The following GABRA3 variants were observed in gnomAD, a reference collection of about 807,000 sequenced individuals.
GABRA3 encodes the protein gamma-aminobutyric acid type A receptor subunit alpha3.
In GABRA3, 10 loss-of-function variants were observed where a neutral mutation model predicts 30.1. The observed-to-expected ratio is 0.33, with a 90% CI of 0.20 to 0.56. The LOEUF (loss-of-function observed/expected upper bound fraction) is 0.56. Ranked by LOEUF, GABRA3 falls within the 20% of genes least tolerant of loss-of-function variation. GABRA3 has a pLI of 0.89. For missense variants in GABRA3, 233 were observed against 392.0 expected (o/e 0.59, Z 3.42); for synonymous variants, 151 against 146.8 (o/e 1.03, Z -0.21).
At chrX:152,193,096 T>G (rs2124350014) in intron 8 of GABRA3, among the ~76,000 whole-genome samples, 1 of 111,591 alleles carries the variant, frequency 9.0e-6, no homozygotes. Flanking sequence ...CTGAGCTCTT[T>G]TGAGACATCT....
intron 7 of GABRA3, among the ~76,000 whole-genome samples, chrX:152,201,960 C>T (rs181276142): frequency 8.9e-6 from 1 of 112,121 alleles, no homozygotes; most frequent in Non-Finnish European, 1.9e-5. Flanking sequence ...GATCAAATTT[C>T]TAGGAAAGAT....
At chrX:152,351,888 A>T (rs1940484010) in intron 2 of GABRA3, among the ~76,000 whole-genome samples, 1 of 111,162 alleles carries the variant, frequency 9.0e-6, no homozygotes, top group African/African-American at 3.3e-5. Flanking sequence ...TCTCAGGGAG[A>T]AGGAAGGCCT....
chrX:152,172,094 A>G (rs1181556064), intron 9 of GABRA3, among the ~76,000 whole-genome samples: 1 of 111,786 alleles, frequency 8.9e-6, no homozygotes, highest in Non-Finnish European at 1.9e-5. Flanking sequence ...GGACTCAAAG[A>G]TGAATAAAAC....
intron 3 of GABRA3, among the ~76,000 whole-genome samples, chrX:152,340,088 T>G (rs746526946): frequency 8.9e-6 from 1 of 112,258 alleles, no homozygotes; most frequent in East Asian, 2.8e-4. Flanking sequence ...TTTCTTCTAT[T>G]CTTTGTTAGC....
intron 1 of GABRA3, among the ~76,000 whole-genome samples, chrX:152,410,813 A>G (rs1930051448): frequency 9.0e-6 from 1 of 111,123 alleles, no homozygotes; most frequent in Admixed American, 9.6e-5. Context: ...ACAAGAAAAT[A>G]TGTGTCATTC....
intron 4 of GABRA3, among the ~76,000 whole-genome samples, chrX:152,271,730 G>A (rs1938942227): frequency 8.9e-6 from 1 of 111,818 alleles, no homozygotes; most frequent in African/African-American, 3.3e-5. Flanking sequence ...AGGCCTATGA[G>A]GGAAAAATGG....
chrX:152,199,113 T>C (rs922196828), intron 7 of GABRA3, among the ~76,000 whole-genome samples: 25 of 111,132 alleles, frequency 2.2e-4, no homozygotes, highest in Non-Finnish European at 4.3e-4. Flanking sequence ...CTGCCTGTAA[T>C]CCCAGCACTT....
At chrX:152,263,351 G>C (rs1359904561) in intron 4 of GABRA3, among the ~76,000 whole-genome samples, 1 of 110,584 alleles carries the variant, frequency 9.0e-6, no homozygotes, top group Admixed American at 9.7e-5. Context: ...AAGGAATTCA[G>C]AATTCTATCA....
intron 9 of GABRA3, among the ~76,000 whole-genome samples, chrX:152,185,023 T>C (rs907665431): frequency 1.1e-4 from 12 of 112,070 alleles, no homozygotes; most frequent in Admixed American, 3.8e-4. Context: ...AATCTTAAAA[T>C]CAGTTATATT....
rs1940358310 is a variant in GABRA3, at chrX:152,344,276, G to T, written c.262+1305C>A. On this transcript the variant is annotated intron_variant, in intron 3 of 9. Coordinates refer to ENST00000370314, the MANE Select transcript of GABRA3 (RefSeq NM_000808.4). Reference sequence around the variant, plus strand: ...GAATAGGCTTCCACTTAGGGAATATGGGAAATTATTAGCAAAAATTTTAAT... The same window carrying T: ...GAATAGGCTTCCACTTAGGGAATATTGGAAATTATTAGCAAAAATTTTAAT... Among the ~76,000 whole-genome samples, 2 of 111,531 alleles carry T rather than the reference G, an allele frequency of 1.8e-5. 1 individual carries two copies. The highest frequency in any genetic ancestry group is 1.9e-4 in the Admixed American group (2 of 10,471).
intron 1 of GABRA3, among the ~76,000 whole-genome samples, chrX:152,446,060 A>ACCCTT (rs774918955): frequency 9.0e-6 from 1 of 111,604 alleles, no homozygotes; most frequent in Non-Finnish European, 1.9e-5. Context: ...GCCTGGAGGG[A>ACCCTT]CCCTTCCCTT....
chrX:152,234,965 G>A (rs1186252728), intron 5 of GABRA3, among the ~76,000 whole-genome samples: 1 of 111,453 alleles, frequency 9.0e-6, no homozygotes, highest in Non-Finnish European at 1.9e-5. Flanking sequence ...CTCTTTTGTG[G>A]TTCTATGTTA....
intron 9 of GABRA3, among the ~76,000 whole-genome samples, chrX:152,182,308 T>TAC (rs1243698405): frequency 2.4e-4 from 23 of 94,906 alleles, no homozygotes; most frequent in Middle Eastern, 4.6e-3. Context: ...GTTATATATA[T>TAC]ATATACACAC....
At chrX:152,341,507 C>A (rs765655491) in intron 3 of GABRA3, among the ~76,000 whole-genome samples, 6 of 108,696 alleles carry the variant, frequency 5.5e-5, no homozygotes, top group Admixed American at 9.9e-5. Context: ...AGTGTATAAA[C>A]GTTTCCCTTT....
chrX:152,344,101 C>A (rs1272952954), intron 3 of GABRA3, among the ~76,000 whole-genome samples: 1 of 110,932 alleles, frequency 9.0e-6, no homozygotes, highest in African/African-American at 3.3e-5. Flanking sequence ...TGTAATTTCC[C>A]AAAAAAGGTA....
At chrX:152,346,055 C>T (rs1940387832) in intron 2 of GABRA3, among the ~76,000 whole-genome samples, 1 of 111,622 alleles carries the variant, frequency 9.0e-6, no homozygotes, top group Admixed American at 9.6e-5. Flanking sequence ...CATGATTAAA[C>T]AGGCATCAAA....
intron 1 of GABRA3, among the ~76,000 whole-genome samples, chrX:152,395,680 T>C (rs968706773): frequency 8.9e-6 from 1 of 111,915 alleles, no homozygotes; most frequent in African/African-American, 3.2e-5. Context: ...GAGAAGACTA[T>C]ATCCCAAGAC....
intron 3 of GABRA3, among the ~76,000 whole-genome samples, chrX:152,325,102 C>G (rs1940031744): frequency 9.0e-6 from 1 of 110,846 alleles, no homozygotes; most frequent in South Asian, 3.8e-4. Flanking sequence ...ATTAATAAAC[C>G]TGGTAGATTA....
At chrX:152,190,720 G>A (rs995250022) in intron 8 of GABRA3, among the ~76,000 whole-genome samples, 3 of 110,114 alleles carry the variant, frequency 2.7e-5, no homozygotes, top group African/African-American at 9.9e-5. Flanking sequence ...TCCGAAATCT[G>A]TTTCTTGTGA....
Sources: allele counts gnomAD v4.1 joint callset (sites outside exome capture counted in the v4.1 genomes callset), GRCh38; gene constraint gnomAD v4.1.1; transcripts MANE v1.5; gene names NCBI Gene and HGNC (gene_info 2026-07-23, HGNC 2026-07-21).